The following NR2C2 variants were observed in gnomAD, a reference collection of about 807,000 sequenced individuals.
NR2C2 encodes the protein Nuclear hormone receptor TR4.
NR2C2 carries 6 observed loss-of-function variants against 62.9 expected under a neutral mutation model. The observed-to-expected ratio is 0.10, with a 90% CI of 0.05 to 0.19. The LOEUF (loss-of-function observed/expected upper bound fraction) is 0.19. NR2C2 is among the 10% of genes least tolerant of loss of function. The probability of loss-of-function intolerance (pLI) is 1.00; values close to 1 mark genes in which losing one functional copy is unlikely to be tolerated. For missense variants in NR2C2, 479 were observed against 762.7 expected (o/e 0.63, Z 4.38); for synonymous variants, 272 against 273.8 (o/e 0.99, Z 0.07).
chr3:15,042,817 G>GAC lies in NR2C2; in HGVS notation c.1617-14_1617-13dup, dbSNP rs1559314668. 6.2e-7 allele frequency: 1 copy of GAC among 1,610,212 alleles called. No homozygotes were observed. The highest frequency in any genetic ancestry group is 1.1e-5 in the South Asian group (1 of 90,342). On this transcript the variant is annotated splice_polypyrimidine_tract_variant and intron_variant, in intron 13 of 13. Transcript: ENST00000425241. Reference sequence around the variant, plus strand: ...GCATCAAACAGTCTCCTTTTCTAATGACACTCCCTTTTATAGATTGGCCCG... The same window carrying GAC: ...GCATCAAACAGTCTCCTTTTCTAATGACACACTCCCTTTTATAGATTGGCCCG...
Position 15,042,973 on chromosome 3 carries a change from G to T in NR2C2, c.1756G>T (p.Glu586Ter). The change falls in exon 14 of 14, where the codon GAG becomes TAG. Residue 586 changes from glutamate to a stop codon, truncating the protein, a stop_gained. Coordinates refer to ENST00000425241, the MANE Select transcript of NR2C2 (RefSeq NM_001291694.2). LOFTEE classifies it high-confidence loss of function. Reference sequence around the variant, plus strand: ...CTACATCCTCAAGATGGAGACAGCAGAGTATAATGGCCAGATCACCGGAGC... The same window carrying T: ...CTACATCCTCAAGATGGAGACAGCATAGTATAATGGCCAGATCACCGGAGC... ...IPYILKMETA[E>*]YNGQITGASL 6.2e-7 allele frequency: 1 copy of T among 1,614,186 alleles called. No homozygotes were observed.
Position 15,023,315 on chromosome 3 carries a change from T to C in NR2C2, c.672T>C (p.Thr224=), listed in dbSNP as rs2230441. The C allele has an allele frequency of 1.2e-6, 2 of 1,614,068 alleles. No individual in the cohort carries two copies. Among genetic ancestry groups the C allele is most frequent in the Non-Finnish European group, 1.7e-6 (2 of 1,180,046 alleles). Residue 224 remains threonine, a synonymous_variant, in exon 6 of 14, where the codon ACT becomes ACC. Transcript: ENST00000425241. The part of the protein sequence containing the change: ...RKDLRSPLIA[T]PTFVADKDGA... ...ACCTGAGAAGTCCCCTGATAGCTAC[T>C]CCCACGTTTGTGGCAGACAAAGATG...
At chr3:14,976,084 G>C (rs2040195231) in intron 1 of NR2C2, among the ~76,000 whole-genome samples, 1 of 152,052 alleles carries the variant, frequency 6.6e-6, no homozygotes, top group African/African-American at 2.4e-5. Context: ...CAGATTTTCT[G>C]TTCCTTCATG....
At chr3:15,005,197 T>G (rs1330976980) in intron 2 of NR2C2, among the ~76,000 whole-genome samples, 1 of 151,654 alleles carries the variant, frequency 6.6e-6, no homozygotes, top group Non-Finnish European at 1.5e-5. Flanking sequence ...ACATTTTTTC[T>G]TTTTTTTGAG....
At chr3:15,018,165 A>G (rs546987352) in intron 4 of NR2C2, among the ~76,000 whole-genome samples, 2 of 152,210 alleles carry the variant, frequency 1.3e-5, no homozygotes, top group African/African-American at 4.8e-5. Flanking sequence ...CGCCTGGCTA[A>G]TTTTTGTATT....
intron 1 of NR2C2, among the ~76,000 whole-genome samples, chr3:14,993,285 C>T (rs2040720695): frequency 6.6e-6 from 1 of 151,968 alleles, no homozygotes; most frequent in African/African-American, 2.4e-5. Flanking sequence ...GAAACCCCGT[C>T]TCTACTAAAA....
intron 7 of NR2C2, among the ~76,000 whole-genome samples, chr3:15,027,267 G>A (rs2041849388): frequency 6.6e-6 from 1 of 152,206 alleles, no homozygotes; most frequent in Non-Finnish European, 1.5e-5. Context: ...CCAAAGTGCT[G>A]GGATTATAGG....
At chr3:14,958,900 A>AG (rs2039606458) in intron 1 of NR2C2, among the ~76,000 whole-genome samples, 1 of 152,192 alleles carries the variant, frequency 6.6e-6, no homozygotes, top group Non-Finnish European at 1.5e-5. Context: ...CGCTTGAACC[A>AG]GGGAGTCGGA....
At chr3:14,984,261 T>C (rs541322252) in intron 1 of NR2C2, among the ~76,000 whole-genome samples, 3 of 152,322 alleles carry the variant, frequency 2.0e-5, no homozygotes, top group South Asian at 2.1e-4. Flanking sequence ...ATTTGTCATC[T>C]CTCTTTTTTT....
chr3:15,022,594 C>T (rs1212148404), intron 5 of NR2C2, among the ~76,000 whole-genome samples: 2 of 151,854 alleles, frequency 1.3e-5, no homozygotes, highest in Admixed American at 6.6e-5. Flanking sequence ...TTAATAGAGG[C>T]CGGGTTTTGC....
chr3:14,964,681 AT>A lies in NR2C2; in HGVS notation c.-40+16790del, dbSNP rs1165766504. Among the ~76,000 whole-genome samples, 547 of 138,880 alleles carry A rather than the reference AT, an allele frequency of 3.9e-3. 2 individuals are homozygous for A. The highest frequency in any genetic ancestry group is 4.4e-3 in the Non-Finnish European group (282 of 63,420). The allele number at this position is 138,880 out of a possible 152,430, so 91.1% of individuals were successfully genotyped here. A position where few individuals can be genotyped will look rare whatever the true frequency, so the allele number is the denominator to read the frequency against. ...AGGCGCCCGCCACCACACCCGGCTA[AT>A]TTTTTTTTTTTTTTGTATTTTTAGT... On this transcript the variant is annotated intron_variant, in intron 1 of 13. Transcript: ENST00000425241.
At chr3:15,001,108 C>G (rs980256901) in intron 1 of NR2C2, among the ~76,000 whole-genome samples, 1 of 151,860 alleles carries the variant, frequency 6.6e-6, no homozygotes, top group Non-Finnish European at 1.5e-5. Context: ...GCCACCGTGC[C>G]CAGCCTATTT....
intron 1 of NR2C2, among the ~76,000 whole-genome samples, chr3:14,950,874 A>G (rs2039335904): frequency 1.3e-5 from 2 of 152,232 alleles, no homozygotes; most frequent in Admixed American, 1.3e-4. Flanking sequence ...CTCTTTGGCA[A>G]TTCAGATAGC....
At chr3:15,034,637 A>C in intron 10 of NR2C2, 33 bp from the exon 11 acceptor site, 2 of 1,607,124 alleles carry the variant, frequency 1.2e-6, no homozygotes, top group East Asian at 2.2e-5. Flanking sequence ...ATGCCAACAC[A>C]CACCACACTC....
intron 7 of NR2C2, chr3:15,026,380 A>C (rs1175749316): frequency 6.6e-6 from 1 of 152,144 alleles, no homozygotes; most frequent in African/African-American, 2.4e-5. Flanking sequence ...TTAGTGTATA[A>C]TGTAGTGGTT....
chr3:14,982,807 A>T (rs1298405156), intron 1 of NR2C2, among the ~76,000 whole-genome samples: 13 of 152,110 alleles, frequency 8.5e-5, no homozygotes, highest in Non-Finnish European at 4.4e-5. Flanking sequence ...TGTTGAATGG[A>T]AGTGTTGATA....
chr3:15,001,898 T>C (rs1036210617), intron 1 of NR2C2, among the ~76,000 whole-genome samples: 1 of 152,066 alleles, frequency 6.6e-6, no homozygotes, highest in Non-Finnish European at 1.5e-5. Context: ...GGTTACAGGC[T>C]TGAGCCACTG....
chr3:14,972,736 G>A (rs980640290), intron 1 of NR2C2, among the ~76,000 whole-genome samples: 1 of 152,162 alleles, frequency 6.6e-6, no homozygotes, highest in African/African-American at 2.4e-5. Context: ...AGAGAGCACG[G>A]CAGCATCTGC....
intron 1 of NR2C2, among the ~76,000 whole-genome samples, chr3:14,980,570 A>G (rs1432298730): frequency 2.6e-5 from 4 of 152,216 alleles, no homozygotes; most frequent in Non-Finnish European, 4.4e-5. Context: ...AGAAAGCCAC[A>G]TGGAAAAATG....
Sources: allele counts gnomAD v4.1 joint callset (sites outside exome capture counted in the v4.1 genomes callset), GRCh38; gene constraint gnomAD v4.1.1; transcripts MANE v1.5; gene names NCBI Gene and HGNC (gene_info 2026-07-23, HGNC 2026-07-21).